Variants in ZNF362 observed in about 807,000 individuals in gnomAD.
ZNF362 encodes rotund homolog.
A neutral mutation model predicts 42.9 loss-of-function variants in ZNF362; 11 were observed. The observed-to-expected ratio is 0.26, with a 90% CI of 0.16 to 0.42. ZNF362 has a LOEUF of 0.42. Ranked by LOEUF, ZNF362 falls within the 20% of genes least tolerant of loss-of-function variation. ZNF362 has a pLI of 1.00. For missense variants in ZNF362, 362 were observed against 576.2 expected, an observed-to-expected ratio of 0.63 and a Z score of 3.81; for synonymous variants, 255 against 257.3, an observed-to-expected ratio of 0.99 and a Z score of 0.09.
Position 33,276,288 on chromosome 1 carries a change from G to C in ZNF362, c.103-60G>C, listed in dbSNP as rs1036354563. On this transcript the variant is annotated intron_variant, in intron 3 of 8. Coordinates refer to ENST00000539719, the MANE Select transcript of ZNF362 (RefSeq NM_152493.3). ...GAGGGGCTCGCGGGTGGACCAGCGG[G>C]CCTGGGCAAGGGGCGGGAGGTGGTC... The C allele has an allele frequency of 6.5e-6, 10 of 1,546,896 alleles. No homozygotes were observed. In the African/African-American group the frequency reaches 9.5e-5, roughly 15 times the overall value.
chr1:33,225,439 A>G, the ZNF362 span, among the ~76,000 whole-genome samples: 18 of 152,292 alleles, frequency 1.2e-4, no homozygotes, highest in African/African-American at 3.8e-4. Context: ...TAAAAAATAT[A>G]TATGTATTTA....
the ZNF362 span, among the ~76,000 whole-genome samples, chr1:33,171,622 A>C: frequency 2.6e-5 from 4 of 152,164 alleles, no homozygotes; most frequent in African/African-American, 7.2e-5. Flanking sequence ...AAAAATTTGC[A>C]GTTAGTCGAG....
the ZNF362 span, among the ~76,000 whole-genome samples, chr1:33,155,672 A>G: frequency 6.6e-6 from 1 of 152,192 alleles, no homozygotes. Flanking sequence ...TCCGTTACTT[A>G]TTCTGAAAAA....
the ZNF362 span, chr1:33,176,522 T>A: frequency 1.5e-6 from 1 of 657,742 alleles, no homozygotes; most frequent in Non-Finnish European, 2.8e-6. Context: ...CTGAATCGGA[T>A]CCCCTCTCTG....
intron 1 of ZNF362, among the ~76,000 whole-genome samples, chr1:33,257,750 C>T (rs1387838099): frequency 1.3e-5 from 2 of 152,184 alleles, no homozygotes; most frequent in African/African-American, 2.4e-5. Flanking sequence ...AGGAAATAAT[C>T]CTGCTGTCCC....
At chr1:33,245,132 G>A in the ZNF362 span, among the ~76,000 whole-genome samples, 5 of 152,150 alleles carry the variant, frequency 3.3e-5, no homozygotes, top group Non-Finnish European at 7.3e-5. Flanking sequence ...GAGTGCTCAG[G>A]TCCACCATCA....
the ZNF362 span, among the ~76,000 whole-genome samples, chr1:33,208,361 G>C: frequency 6.6e-6 from 1 of 152,204 alleles, no homozygotes; most frequent in East Asian, 1.9e-4. Flanking sequence ...GTCAGGTAGC[G>C]TGATGCCTCC....
chr1:33,283,659 C>A (rs1646012325), intron 6 of ZNF362, among the ~76,000 whole-genome samples: 1 of 152,038 alleles, frequency 6.6e-6, no homozygotes, highest in Admixed American at 6.6e-5. Flanking sequence ...GAGCTGATGT[C>A]ACACCACTGC....
Position 33,264,405 on chromosome 1 carries a change from G to A in ZNF362, c.-88-6082G>A, listed in dbSNP as rs559109979. 2.6e-5 allele frequency among the ~76,000 whole-genome samples: 4 copies of A among 152,278 alleles called. No homozygotes were observed. The East Asian group carries it at 7.7e-4, about 29-fold the overall frequency. On this transcript the variant is annotated intron_variant, in intron 1 of 8. Coordinates refer to ENST00000539719, the MANE Select transcript of ZNF362 (RefSeq NM_152493.3). Reference sequence around the variant, plus strand: ...CCTTAGAGAACCTAGCAACAGCAATGGCAGCTGACTGTTCAGGAGTCCTCA... The same window carrying A: ...CCTTAGAGAACCTAGCAACAGCAATAGCAGCTGACTGTTCAGGAGTCCTCA...
rs1364229185 is a variant in ZNF362, at chr1:33,262,666, G to A, written c.-89+6012G>A. 2.6e-5 allele frequency among the ~76,000 whole-genome samples: 4 copies of A among 152,104 alleles called. No individual in the cohort carries two copies. In the South Asian group the frequency reaches 6.2e-4, roughly 24 times the overall value. On this transcript the variant is annotated intron_variant, in intron 1 of 8. Coordinates refer to ENST00000539719, the MANE Select transcript of ZNF362 (RefSeq NM_152493.3). ...CCATTCCAGGTTCTGGGGCTCTGTC[G>A]GGGGACACCTGCTTGAGAGGGGGCA...
At chr1:33,149,542 A>G in the ZNF362 span, among the ~76,000 whole-genome samples, 5 of 151,484 alleles carry the variant, frequency 3.3e-5, no homozygotes, top group Non-Finnish European at 7.4e-5. Context: ...GGAGCCTCCA[A>G]CTCCTAGGCT....
At chr1:33,202,487 A>G in the ZNF362 span, among the ~76,000 whole-genome samples, 3 of 151,810 alleles carry the variant, frequency 2.0e-5, no homozygotes, top group African/African-American at 7.3e-5. Flanking sequence ...AGTCCCAGCT[A>G]CTGGGGAGGC....
At chr1:33,252,075 G>T (rs990358214), upstream of ZNF362, among the ~76,000 whole-genome samples, 5 of 152,234 alleles carry the variant, frequency 3.3e-5, no homozygotes, top group African/African-American at 1.2e-4. Context: ...ATTCTCGGCT[G>T]GGCGTGGTGG....
the ZNF362 span, among the ~76,000 whole-genome samples, chr1:33,226,749 C>T: frequency 6.6e-6 from 1 of 152,188 alleles, no homozygotes; most frequent in Non-Finnish European, 1.5e-5. Context: ...CCTGTGATCC[C>T]AGCTACTTGG....
chr1:33,279,728 A>G (rs542883103), intron 4 of ZNF362, among the ~76,000 whole-genome samples: 13 of 151,612 alleles, frequency 8.6e-5, no homozygotes, highest in African/African-American at 2.9e-4. Context: ...TTGTGTGCAT[A>G]CATACGTAGT....
upstream of ZNF362, among the ~76,000 whole-genome samples, chr1:33,254,575 G>T (rs1438161725): frequency 6.6e-6 from 1 of 152,126 alleles, no homozygotes; most frequent in East Asian, 1.9e-4. Flanking sequence ...TGGGGTTATG[G>T]GTTATTGGGA....
the ZNF362 span, among the ~76,000 whole-genome samples, chr1:33,231,867 C>T: frequency 6.6e-6 from 1 of 152,182 alleles, no homozygotes; most frequent in Non-Finnish European, 1.5e-5. Flanking sequence ...TTTTCTCATC[C>T]TGTCCTGACA....
At chr1:33,279,646 C>CT (rs567406398) in intron 4 of ZNF362, among the ~76,000 whole-genome samples, 33,031 of 147,252 alleles carry the variant, frequency 0.22, 4,204 homozygotes, top group African/African-American at 0.36. Context: ...AGTTAAGCCT[C>CT]TTTTTTTTTT....
chr1:33,258,595 C>T (rs1645809356), intron 1 of ZNF362, among the ~76,000 whole-genome samples: 2 of 152,034 alleles, frequency 1.3e-5, no homozygotes, highest in Admixed American at 1.3e-4. Context: ...GAGACTGAGA[C>T]CGGGACCTGG....
Sources: gnomAD v4.1 joint callset for allele counts (sites outside exome capture counted in the v4.1 genomes callset) on GRCh38, gnomAD v4.1.1 for gene constraint, MANE v1.5 for transcripts, NCBI Gene and HGNC (gene_info 2026-07-23, HGNC 2026-07-21) for gene names.